Variants in UNC13A observed in about 807,000 individuals in gnomAD.
UNC13A encodes the protein unc-13 homolog A.
UNC13A carries 61 observed loss-of-function variants against 219.7 expected under a neutral mutation model. That is an observed-to-expected ratio of 0.28 (90% confidence interval 0.23 to 0.34). The LOEUF is 0.34. Ranked by LOEUF, UNC13A falls within the 10% of genes least tolerant of loss-of-function variation. The probability of loss-of-function intolerance (pLI) is 1.00; values close to 1 mark genes in which losing one functional copy is unlikely to be tolerated. For missense variants in UNC13A, 1,476 were observed against 2,270.3 expected (o/e 0.65, Z 7.11); for synonymous variants, 920 against 884.6 (o/e 1.04, Z -0.71).
intron 35 of UNC13A, among the ~76,000 whole-genome samples, chr19:17,624,135 G>GT (rs34334887): frequency 1.4e-5 from 2 of 143,574 alleles, no homozygotes; most frequent in Non-Finnish European, 3.0e-5. Flanking sequence ...TTTTTTTTTT[G>GT]TTTTTTTGAG....
chr19:17,642,742 A>T, intron 20 of UNC13A, 103 bp downstream of exon 20: 3 of 955,696 alleles, frequency 3.1e-6, no homozygotes, highest in Non-Finnish European at 4.6e-6. Flanking sequence ...GCAGTCTCAG[A>T]GGGCCAGGAG....
At chr19:17,657,998 C>A (rs746632470) in intron 9 of UNC13A, 64 bp downstream of exon 9, 2 of 1,543,290 alleles carry the variant, frequency 1.3e-6, no homozygotes, top group Admixed American at 1.8e-5. Flanking sequence ...CAGCCCCGTA[C>A]CCCTCTCTCC....
intron 1 of UNC13A, among the ~76,000 whole-genome samples, chr19:17,681,728 G>C (rs2080021896): frequency 6.6e-6 from 1 of 152,186 alleles, no homozygotes; most frequent in African/African-American, 2.4e-5. Context: ...GCTGAGCTAA[G>C]AGCTGTCCCC....
Position 17,606,006 on chromosome 19 carries a change from C to A in UNC13A, c.*48G>T. 1 of 1,392,410 alleles carries A rather than the reference C, an allele frequency of 7.2e-7. No individual in the cohort carries two copies. The highest frequency in any genetic ancestry group is 9.3e-7 in the Non-Finnish European group (1 of 1,077,478). 86.3% of individuals were successfully genotyped at this position (1,392,410 alleles called of 1,614,324 possible). A position where few individuals can be genotyped will look rare whatever the true frequency, so the allele number is the denominator to read the frequency against. ...AAGGCGCAAGCCCCGTCCCTCCCCGCCCAGCGCCCTCCGCGCAGGCGCAGT... is the reference window on the plus strand; with the variant it reads ...AAGGCGCAAGCCCCGTCCCTCCCCGACCAGCGCCCTCCGCGCAGGCGCAGT... On this transcript the variant is annotated 3_prime_UTR_variant, in exon 44 of 44. Transcript: ENST00000519716.
chr19:17,688,345 C>A lies in UNC13A; in HGVS notation c.-146G>T. ...GCCGCCACCGGCCATCTTGGTTCAGCACCGGGGGCGCGGACAGCGCCTGAC... is the reference window on the plus strand; with the variant it reads ...GCCGCCACCGGCCATCTTGGTTCAGAACCGGGGGCGCGGACAGCGCCTGAC... On this transcript the variant is annotated 5_prime_UTR_variant, in exon 1 of 44. Coordinates refer to ENST00000519716, the MANE Select transcript of UNC13A (RefSeq NM_001080421.3). 7.7e-7 allele frequency: 1 copy of A among 1,300,654 alleles called. No individual in the cohort carries two copies. Among genetic ancestry groups the A allele is most frequent in the Non-Finnish European group, 9.8e-7 (1 of 1,023,212 alleles). 80.6% of individuals were successfully genotyped at this position (1,300,654 alleles called of 1,614,324 possible).
chr19:17,613,043 C>T (rs923841962), intron 41 of UNC13A, among the ~76,000 whole-genome samples: 1 of 151,956 alleles, frequency 6.6e-6, no homozygotes, highest in Admixed American at 6.6e-5. Context: ...CCCATCCTGG[C>T]CAACATGGCG....
At chr19:17,628,850 T>C (rs1277732839) in intron 31 of UNC13A, among the ~76,000 whole-genome samples, 1 of 150,978 alleles carries the variant, frequency 6.6e-6, no homozygotes, top group Non-Finnish European at 1.5e-5. Context: ...CGAAACACAA[T>C]CACACACGCA....
At chr19:17,667,631 G>T (rs569822912) in intron 6 of UNC13A, among the ~76,000 whole-genome samples, 264 of 152,028 alleles carry the variant, frequency 1.7e-3, no homozygotes, top group Non-Finnish European at 1.2e-3. Flanking sequence ...CCGCCACCAT[G>T]CCTAGCTAAT....
intron 19 of UNC13A, 126 bp downstream of exon 19, chr19:17,645,548 C>G: frequency 7.3e-7 from 1 of 1,364,326 alleles, no homozygotes; most frequent in Admixed American, 2.3e-5. Flanking sequence ...CCTGCCTCCC[C>G]CATCAGATTA....
chr19:17,606,019 G>A lies in UNC13A; in HGVS notation c.*35C>T, dbSNP rs754214589. On this transcript the variant is annotated 3_prime_UTR_variant, in exon 44 of 44. Coordinates refer to ENST00000519716, the MANE Select transcript of UNC13A (RefSeq NM_001080421.3). Reference sequence around the variant, plus strand: ...CGTCCCTCCCCGCCCAGCGCCCTCCGCGCAGGCGCAGTGCCGCTCGGCCGA... The same window carrying A: ...CGTCCCTCCCCGCCCAGCGCCCTCCACGCAGGCGCAGTGCCGCTCGGCCGA... The A allele has an allele frequency of 7.1e-7, 1 of 1,405,434 alleles. No individual in the cohort carries two copies. The highest frequency in any genetic ancestry group is 1.6e-5 in the South Asian group (1 of 62,672). The allele number at this position is 1,405,434 out of a possible 1,614,324, so 87.1% of individuals were successfully genotyped here. A position where few individuals can be genotyped will look rare whatever the true frequency, so the allele number is the denominator to read the frequency against.
At chr19:17,663,750 A>C in intron 7 of UNC13A, among the ~76,000 whole-genome samples, 183 bp from the exon 8 acceptor site, 3 of 148,932 alleles carry the variant, frequency 2.0e-5, no homozygotes, top group Admixed American at 6.7e-5. Flanking sequence ...TCTGCTCTCC[A>C]CCTTGGGAGG....
In UNC13A at chr19:17,649,100, T is replaced by C; in HGVS notation, c.1525-117A>G. 8.0e-7 allele frequency: 1 copy of C among 1,247,908 alleles called. No individual in the cohort carries two copies. The highest frequency in any genetic ancestry group is 1.1e-6 in the Non-Finnish European group (1 of 894,512). The allele number at this position is 1,247,908 out of a possible 1,614,324, so 77.3% of individuals were successfully genotyped here. A position where few individuals can be genotyped will look rare whatever the true frequency, so the allele number is the denominator to read the frequency against. On this transcript the variant is annotated intron_variant, in intron 14 of 43. Coordinates refer to ENST00000519716, the MANE Select transcript of UNC13A (RefSeq NM_001080421.3). This position sits in a 1 kb window ranked among gnomAD's most constrained non-coding sequence, Gnocchi z 4.4. ...ACATTTTGGAGCCACAACCGCAAGT[T>C]GGAAACAGGTCACCGACAGCATCCG...
intron 1 of UNC13A, among the ~76,000 whole-genome samples, chr19:17,684,245 C>T (rs1029186609): frequency 2.0e-5 from 3 of 152,198 alleles, no homozygotes; most frequent in African/African-American, 7.2e-5. Context: ...TCATCTCCCC[C>T]TCATCACATC....
At chr19:17,642,392 A>G (rs1399186129) in intron 20 of UNC13A, among the ~76,000 whole-genome samples, 1 of 152,108 alleles carries the variant, frequency 6.6e-6, no homozygotes, top group East Asian at 1.9e-4. Flanking sequence ...CAACTCATCC[A>G]TCTATCCATC....
At chr19:17,660,500 T>C (rs1288646311) in intron 8 of UNC13A, among the ~76,000 whole-genome samples, 6 of 150,492 alleles carry the variant, frequency 4.0e-5, no homozygotes, top group Admixed American at 2.0e-4. Context: ...TTTAGCTGCA[T>C]TGGTGTTTTG....
intron 41 of UNC13A, among the ~76,000 whole-genome samples, chr19:17,616,619 G>A (rs904785532): frequency 1.3e-5 from 2 of 152,050 alleles, no homozygotes; most frequent in Non-Finnish European, 2.9e-5. Flanking sequence ...AAAAACAAGA[G>A]AGAGAGAAAC....
chr19:17,643,174 G>C (rs757215915), intron 19 of UNC13A, among the ~76,000 whole-genome samples: 4 of 152,006 alleles, frequency 2.6e-5, no homozygotes, highest in Non-Finnish European at 5.9e-5. Context: ...ACCGTGCCCA[G>C]CTAATTTTTA....
In UNC13A at chr19:17,639,892, T is replaced by C; in HGVS notation, c.2804A>G (p.Lys935Arg). 2 of 1,613,782 alleles carry C rather than the reference T, an allele frequency of 1.2e-6. No homozygotes were observed. Among genetic ancestry groups the C allele is most frequent in the Non-Finnish European group, 1.7e-6 (2 of 1,179,814 alleles). Residue 935 changes from lysine (K) to arginine (R), a missense_variant, in exon 23 of 44, where the codon AAA (lysine) becomes AGA (arginine). This residue lies in a region of UNC13A where 140 missense variants were observed against 270.9 expected (regional missense o/e 0.52). Transcript: ENST00000519716. ...GGAGTTATGCAGCTGGTCCAGGAGT[T>C]TCACGAAGCGCTCTTTCTGAGGAGG... ...ASNFGKERFV[K>R]LLDQLHNSLR...
chr19:17,636,032 G>A lies in UNC13A; in HGVS notation c.3207C>T (p.Cys1069=), dbSNP rs771601640. Residue 1069 remains cysteine (C), a synonymous_variant, in exon 26 of 44, where the codon TGC becomes TGT. Transcript: ENST00000519716. ...IEEDKNSYTP[C]LNQFPQELNV... ...ACAGATACACAACTCACTGGTTGAG[G>A]CAGGGAGTGTAGGAATTCTTGTCTT... 2 of 1,611,672 alleles carry A rather than the reference G, an allele frequency of 1.2e-6. No individual in the cohort carries two copies. Among genetic ancestry groups the A allele is most frequent in the South Asian group, 1.1e-5 (1 of 90,784 alleles).
Sources: allele counts gnomAD v4.1 joint callset (sites outside exome capture counted in the v4.1 genomes callset), GRCh38; gene constraint gnomAD v4.1.1; regional missense constraint gnomAD v4.1.1; non-coding constraint Gnocchi (gnomAD v3.1); transcripts MANE v1.5; gene names NCBI Gene and HGNC (gene_info 2026-07-23, HGNC 2026-07-21).